PCDHGA8: variants seen among roughly 807,000 people sequenced by gnomAD.
PCDHGA8 encodes the protein protocadherin gamma-A8.
A neutral mutation model predicts 59.2 loss-of-function variants in PCDHGA8; 45 were observed. The observed-to-expected ratio is 0.76, with a 90% CI of 0.60 to 0.98. The LOEUF (loss-of-function observed/expected upper bound fraction) is 0.98. Among genes scored for constraint, PCDHGA8 ranks in the 50% least tolerant of loss-of-function variants. The probability of loss-of-function intolerance (pLI) is 0.00; values close to 1 mark genes in which losing one functional copy is unlikely to be tolerated. For missense variants in PCDHGA8, 1,257 were observed against 1,196.2 expected (o/e 1.05, Z -0.75); for synonymous variants, 531 against 519.0 (o/e 1.02, Z -0.32).
At chr5:141,401,835 T>C (rs983491795) in intron 1 of PCDHGA8, among the ~76,000 whole-genome samples, 2 of 152,326 alleles carry the variant, frequency 1.3e-5, no homozygotes, top group South Asian at 4.1e-4. Context: ...AGATTTCTTA[T>C]AATACCACTT....
intron 1 of PCDHGA8, among the ~76,000 whole-genome samples, chr5:141,434,340 G>A (rs2097687601): frequency 6.6e-6 from 1 of 152,150 alleles, no homozygotes; most frequent in Non-Finnish European, 1.5e-5. Context: ...TTTGTGTCGG[G>A]AACAGGCCCC....
In PCDHGA8 at chr5:141,476,149, A is replaced by T. The variant is rs1042362185; in HGVS notation, c.2425-18658A>T. The stretch of plus-strand genomic sequence containing the variant: ...CAGAGGCCTGGAGGAGCGGACTGGT[A>T]AGCACCGGGAGGGTAGTGGGAGTTT... On this transcript the variant is annotated intron_variant, in intron 1 of 3. Transcript: ENST00000398604. This position sits in a 1 kb window ranked among gnomAD's most constrained non-coding sequence, Gnocchi z 7.6. 4 of 1,611,688 alleles carry T rather than the reference A, an allele frequency of 2.5e-6. No individual in the cohort carries two copies. In the African/African-American group the frequency reaches 5.3e-5, roughly 22 times the overall value.
rs1330784633 is a variant in PCDHGA8 at position 141,476,330 on chromosome 5, G to A, written c.2425-18477G>A. On this transcript the variant is annotated intron_variant, in intron 1 of 3. Transcript: ENST00000398604. This position sits in a 1 kb window ranked among gnomAD's most constrained non-coding sequence, Gnocchi z 7.6. ...CCGCAGGTTCCGGGTGGTGTCTGGA[G>A]CTAGCCGAAGATTCTTTGAGGTGAA... The A allele has an allele frequency of 1.2e-6, 2 of 1,614,092 alleles. No homozygotes were observed. The highest frequency in any genetic ancestry group is 1.6e-4 in the Middle Eastern group (1 of 6,084).
In PCDHGA8 at chr5:141,471,046, CTTT is replaced by C. The variant is rs1170588345; in HGVS notation, c.2425-23743_2425-23741del. ...ATTTTTATTAACAAGCCCAAGCCCT[CTTT>C]TTTTTTTTTTTTTTTTTGAGACAGG... On this transcript the variant is annotated intron_variant, in intron 1 of 3. Coordinates refer to ENST00000398604, the MANE Select transcript of PCDHGA8 (RefSeq NM_032088.2). 4.8e-4 allele frequency among the ~76,000 whole-genome samples: 54 copies of C among 113,240 alleles called. 1 individual carries two copies. Among genetic ancestry groups the C allele is most frequent in the Middle Eastern group, 5.2e-3 (1 of 192 alleles). 74.3% of individuals were successfully genotyped at this position (113,240 alleles called of 152,430 possible).
intron 2 of PCDHGA8, among the ~76,000 whole-genome samples, chr5:141,502,139 C>T (rs923501238): frequency 6.6e-6 from 1 of 152,104 alleles, no homozygotes; most frequent in African/African-American, 2.4e-5. Flanking sequence ...TCAGTCGGGC[C>T]GGAAGTAAGG....
In PCDHGA8 at chr5:141,486,546, G is replaced by A. The variant is rs1156517969; in HGVS notation, c.2425-8261G>A. Reference sequence around the variant, plus strand: ...GATAATCCACCCTCTTTCTTTCAGAGGTCACATGAGGTGTTTGTTCCTGAG... The same window carrying A: ...GATAATCCACCCTCTTTCTTTCAGAAGTCACATGAGGTGTTTGTTCCTGAG... On this transcript the variant is annotated intron_variant, in intron 1 of 3. Coordinates refer to ENST00000398604, the MANE Select transcript of PCDHGA8 (RefSeq NM_032088.2). The surrounding 1 kb of genome is among the most constrained non-coding windows in gnomAD (Gnocchi z 5.0). 3 of 1,614,084 alleles carry A rather than the reference G, an allele frequency of 1.9e-6. No homozygotes were observed. The East Asian group carries it at 6.7e-5, about 36-fold the overall frequency.
chr5:141,505,259 C>A, intron 2 of PCDHGA8, 134 bp from the exon 3 acceptor site: 1 of 1,500,262 alleles, frequency 6.7e-7, no homozygotes, highest in Non-Finnish European at 8.9e-7. Context: ...GTGCCTCCTA[C>A]CTTGCTGAGA....
At chr5:141,481,647 A>C (rs749515062) in intron 1 of PCDHGA8, among the ~76,000 whole-genome samples, 28 of 151,830 alleles carry the variant, frequency 1.8e-4, no homozygotes, top group African/African-American at 6.5e-4. Context: ...GTGAAACTTC[A>C]TCTCTACTAA....
At chr5:141,458,201 TAGTTTAAAATA>T (rs1175017515) in intron 1 of PCDHGA8, among the ~76,000 whole-genome samples, 1 of 152,168 alleles carries the variant, frequency 6.6e-6, no homozygotes, top group Non-Finnish European at 1.5e-5. Context: ...AGGCCATAAA[TAGTTTAAAATA>T]AGTTTCCTTT....
rs1290682140 is a variant in PCDHGA8 at position 141,431,692 on chromosome 5, G to A, written c.2424+36455G>A. 1 of 1,614,132 alleles carries A rather than the reference G, an allele frequency of 6.2e-7. No homozygotes were observed. The highest frequency in any genetic ancestry group is 2.2e-5 in the East Asian group (1 of 44,888). On this transcript the variant is annotated intron_variant, in intron 1 of 3. Transcript: ENST00000398604. The surrounding 1 kb of genome is among the most constrained non-coding windows in gnomAD (Gnocchi z 4.8). The stretch of plus-strand genomic sequence containing the variant: ...CAATAGGGGAGTTGGACCACGAGGA[G>A]TCAGGATTCTACCAGATGGAAGTGC...
intron 2 of PCDHGA8, among the ~76,000 whole-genome samples, chr5:141,498,371 C>T (rs188547878): frequency 6.6e-6 from 1 of 151,838 alleles, no homozygotes; most frequent in Admixed American, 6.6e-5. Flanking sequence ...TGTGGTGAGG[C>T]CTCCTGGGAT....
At chr5:141,429,559 A>G (rs2097222911) in intron 1 of PCDHGA8, among the ~76,000 whole-genome samples, 2 of 152,146 alleles carry the variant, frequency 1.3e-5, no homozygotes, top group Admixed American at 6.5e-5. Context: ...TGATTTGATA[A>G]TATTCAGTTA....
intron 1 of PCDHGA8, among the ~76,000 whole-genome samples, chr5:141,470,896 T>C (rs1370454369): frequency 6.6e-6 from 1 of 151,980 alleles, no homozygotes; most frequent in Non-Finnish European, 1.5e-5. Context: ...TTTTGTTTTT[T>C]GTAGAGATGG....
At chr5:141,409,942 C>T (rs1168442761) in intron 1 of PCDHGA8, 4 of 1,613,284 alleles carry the variant, frequency 2.5e-6, no homozygotes, top group South Asian at 1.1e-5. Flanking sequence ...TGGTACCTCG[C>T]TCTGCAGAGC....
intron 1 of PCDHGA8, 35 bp downstream of exon 1, chr5:141,395,272 G>C (rs750503990): frequency 6.5e-7 from 1 of 1,544,348 alleles, no homozygotes; most frequent in Admixed American, 2.1e-5. Context: ...TTAATTTCCA[G>C]ATGAATTTTA....
At chr5:141,466,457 A>G (rs969935541) in intron 1 of PCDHGA8, among the ~76,000 whole-genome samples, 12 of 152,146 alleles carry the variant, frequency 7.9e-5, no homozygotes, top group Admixed American at 6.6e-4. Context: ...GGTGTTGGCT[A>G]TTGTTTCTGC....
chr5:141,472,371 C>G (rs2099278632), intron 1 of PCDHGA8, among the ~76,000 whole-genome samples: 1 of 151,944 alleles, frequency 6.6e-6, no homozygotes, highest in Admixed American at 6.6e-5. Flanking sequence ...GAAACCCCGT[C>G]TCCACTAAAA....
chr5:141,486,337 C>T lies in PCDHGA8; in HGVS notation c.2425-8470C>T, dbSNP rs116799150. On this transcript the variant is annotated intron_variant, in intron 1 of 3. Coordinates refer to ENST00000398604, the MANE Select transcript of PCDHGA8 (RefSeq NM_032088.2). The surrounding 1 kb of genome is among the most constrained non-coding windows in gnomAD (Gnocchi z 5.0). ...GGTCAAACGGAGATGTGAGCCTCCG[C>T]ATTCCTGACCACTTGCCATTTGCCC... 1 of 1,614,076 alleles carries T rather than the reference C, an allele frequency of 6.2e-7. No homozygotes were observed. Among genetic ancestry groups the T allele is most frequent in the Non-Finnish European group, 8.5e-7 (1 of 1,179,966 alleles).
In PCDHGA8 at chr5:141,485,770, T is replaced by A. The variant is rs1199757869; in HGVS notation, c.2425-9037T>A. The A allele has an allele frequency of 6.2e-7, 1 of 1,614,180 alleles. No homozygotes were observed. The highest frequency in any genetic ancestry group is 1.1e-5 in the South Asian group (1 of 91,080). On this transcript the variant is annotated intron_variant, in intron 1 of 3. Transcript: ENST00000398604. This position sits in a 1 kb window ranked among gnomAD's most constrained non-coding sequence, Gnocchi z 5.7. ...TCCCAGAGCTGCTCCTGGAGAAGCC[T>A]TTGGATCGAGAGAAGCAATCGGACT... is the stretch of plus-strand genomic sequence containing the variant.
Sources: allele counts gnomAD v4.1 joint callset (sites outside exome capture counted in the v4.1 genomes callset), GRCh38; gene constraint gnomAD v4.1.1; non-coding constraint Gnocchi (gnomAD v3.1); transcripts MANE v1.5; gene names NCBI Gene and HGNC (gene_info 2026-07-23, HGNC 2026-07-21).